The following DOCK4 variants were observed in gnomAD, a reference collection of about 807,000 sequenced individuals.
DOCK4 encodes the protein dedicator of cytokinesis 4, also known as dedicator of cytokinesis protein 4.
A neutral mutation model predicts 268.1 loss-of-function variants in DOCK4; 97 were observed. The observed-to-expected ratio is 0.36, with a 90% CI of 0.31 to 0.43. The LOEUF is 0.43. Ranked by LOEUF, DOCK4 falls within the 20% of genes least tolerant of loss-of-function variation. The pLI is 1.00. For synonymous variants in DOCK4, 954 were observed against 887.2 expected (o/e 1.08, Z -1.34); for missense variants, 2,145 against 2,455.7 (o/e 0.87, Z 2.67).
intron 1 of DOCK4, among the ~76,000 whole-genome samples, chr7:112,103,163 A>C (rs1212645651): frequency 6.6e-6 from 1 of 152,236 alleles, no homozygotes; most frequent in East Asian, 1.9e-4. Flanking sequence ...TCTTAAACTT[A>C]TGAATCACTG....
Position 111,910,991 on chromosome 7 carries a change from G to C in DOCK4, c.1192+4788C>G, listed in dbSNP as rs144233425. On this transcript the variant is annotated intron_variant, in intron 13 of 52. Transcript: ENST00000428084. ...CTACGTTTTTCCCATTTCAAAAAGA[G>C]TCTGGCATTGATTACATTCTGTGAT... Among the ~76,000 whole-genome samples, 9 of 152,320 alleles carry C rather than the reference G, an allele frequency of 5.9e-5. No homozygotes were observed. The East Asian group carries it at 1.5e-3, about 26-fold the overall frequency.
In DOCK4 at chr7:111,986,871, C is replaced by T. The variant is rs148534449; in HGVS notation, c.464+2144G>A. ...TACTCTTCAACAGTTTGATATACAA[C>T]GTGAGATGGAACACATTCTTAATTT... is the stretch of plus-strand genomic sequence containing the variant. On this transcript the variant is annotated intron_variant, in intron 6 of 52. Transcript: ENST00000428084. Among the ~76,000 whole-genome samples, 277 of 152,272 alleles carry T rather than the reference C, an allele frequency of 1.8e-3. 1 individual carries two copies. Among genetic ancestry groups the T allele is most frequent in the Non-Finnish European group, 3.0e-3 (206 of 68,016 alleles).
At chr7:112,135,858 T>G (rs75515837) in intron 1 of DOCK4, among the ~76,000 whole-genome samples, 2,299 of 152,296 alleles carry the variant, frequency 0.015, 53 homozygotes, top group African/African-American at 0.052. Context: ...GTGGAATATC[T>G]GAAAGGCCAA....
chr7:111,886,890 C>G (rs1373310953), intron 16 of DOCK4, among the ~76,000 whole-genome samples: 1 of 152,120 alleles, frequency 6.6e-6, no homozygotes, highest in South Asian at 2.1e-4. Flanking sequence ...TGGGAATTTC[C>G]TGTACTATTT....
At chr7:111,748,980 A>G (rs1796458864) in intron 42 of DOCK4, among the ~76,000 whole-genome samples, 1 of 152,160 alleles carries the variant, frequency 6.6e-6, no homozygotes, top group Non-Finnish European at 1.5e-5. Context: ...CACAAGTAGT[A>G]TGTTATATAA....
chr7:111,760,331 G>A lies in DOCK4; in HGVS notation c.4021-9C>T, dbSNP rs1393966159. 4 of 1,607,320 alleles carry A rather than the reference G, an allele frequency of 2.5e-6. No homozygotes were observed. The highest frequency in any genetic ancestry group is 3.4e-5 in the Admixed American group (2 of 58,704). Reference sequence around the variant, plus strand: ...CACACAAACTCCTTATTCTGGAGATGAAAGCAAAAAAGAAATTAGGGCTAT... The same window carrying A: ...CACACAAACTCCTTATTCTGGAGATAAAAGCAAAAAAGAAATTAGGGCTAT... On this transcript the variant is annotated splice_polypyrimidine_tract_variant and intron_variant, in intron 39 of 52. Transcript: ENST00000428084.
At chr7:111,755,956 T>C (rs1796990456) in intron 41 of DOCK4, among the ~76,000 whole-genome samples, 1 of 152,152 alleles carries the variant, frequency 6.6e-6, no homozygotes, top group Admixed American at 6.5e-5. Context: ...TCCAGAAGGG[T>C]CAGCCAGTCA....
intron 8 of DOCK4, among the ~76,000 whole-genome samples, chr7:111,959,515 T>C (rs1796699462): frequency 6.6e-6 from 1 of 152,216 alleles, no homozygotes; most frequent in Non-Finnish European, 1.5e-5. Flanking sequence ...AGACGAGAAA[T>C]ACTAGCACAG....
At chr7:111,916,984 T>G (rs1792649993) in intron 12 of DOCK4, among the ~76,000 whole-genome samples, 1 of 88,800 alleles carries the variant, frequency 1.1e-5, no homozygotes, top group African/African-American at 4.0e-5. Flanking sequence ...CCCCATGTTT[T>G]TTTTTTTTTT....
In DOCK4 at chr7:112,183,228, G is replaced by A. The variant is rs150778206; in HGVS notation, c.37+22874C>T. 5.2e-3 allele frequency among the ~76,000 whole-genome samples: 796 copies of A among 152,328 alleles called. 8 individuals carry two copies. The highest frequency in any genetic ancestry group is 0.018 in the African/African-American group (754 of 41,566). On this transcript the variant is annotated intron_variant, in intron 1 of 52. Transcript: ENST00000428084. Reference sequence around the variant, plus strand: ...AAAAGGGAAGGAGAGAAAGGGCAGAGAAAGGCCATAACTACCTCTTAATGG... The same window carrying A: ...AAAAGGGAAGGAGAGAAAGGGCAGAAAAAGGCCATAACTACCTCTTAATGG...
chr7:111,872,803 A>G (rs28409329), intron 17 of DOCK4, among the ~76,000 whole-genome samples: 38,244 of 152,080 alleles, frequency 0.25, 5,554 homozygotes, highest in African/African-American at 0.4. Flanking sequence ...TAGTCCTCAG[A>G]TCGGATGTTG....
At chr7:112,032,357 C>T (rs750438702) in intron 1 of DOCK4, among the ~76,000 whole-genome samples, 2 of 151,988 alleles carry the variant, frequency 1.3e-5, no homozygotes, top group African/African-American at 2.4e-5. Flanking sequence ...ATTGGCAATC[C>T]GAAGTGCATG....
chr7:112,090,411 G>A (rs1252889234), intron 1 of DOCK4, among the ~76,000 whole-genome samples: 1 of 152,134 alleles, frequency 6.6e-6, no homozygotes, highest in Admixed American at 6.5e-5. Context: ...AAAACTATAT[G>A]AAAGCTAAAC....
At chr7:112,144,164 C>T (rs1815206656) in intron 1 of DOCK4, among the ~76,000 whole-genome samples, 1 of 152,152 alleles carries the variant, frequency 6.6e-6, no homozygotes. Context: ...TTTCACCTTC[C>T]TCTAGTGACA....
intron 1 of DOCK4, among the ~76,000 whole-genome samples, chr7:112,187,117 C>T (rs1819547430): frequency 1.3e-5 from 2 of 152,136 alleles, no homozygotes; most frequent in African/African-American, 2.4e-5. Flanking sequence ...GAAATGCAAT[C>T]GCCCAAATAA....
At chr7:112,173,537 T>C (rs1347475989) in intron 1 of DOCK4, among the ~76,000 whole-genome samples, 2 of 152,122 alleles carry the variant, frequency 1.3e-5, no homozygotes, top group Non-Finnish European at 2.9e-5. Context: ...GCTGCTCTTT[T>C]ATGGGCGGTC....
At position 111,935,504 on chromosome 7, in the gene DOCK4, A is replaced by G. The variant is rs772154008; in HGVS notation, c.1066+36T>C. The stretch of plus-strand genomic sequence containing the variant: ...AAACAAAAAAAAGGGCTTGGAACGA[A>G]AAGTGTAGGGAAAGTCAGCCAGCCC... On this transcript the variant is annotated intron_variant, in intron 12 of 52. Coordinates refer to ENST00000428084, the MANE Select transcript of DOCK4 (RefSeq NM_001363540.2). 3 of 1,592,892 alleles carry G rather than the reference A, an allele frequency of 1.9e-6. No homozygotes were observed. The African/African-American group carries it at 4.0e-5, about 21-fold the overall frequency.
At chr7:112,150,621 A>G (rs1312590648) in intron 1 of DOCK4, among the ~76,000 whole-genome samples, 1 of 152,124 alleles carries the variant, frequency 6.6e-6, no homozygotes, top group East Asian at 1.9e-4. Flanking sequence ...ATCTTCCCCG[A>G]GGTGGCTTCA....
In DOCK4 at chr7:111,880,120, C is replaced by T. The variant is rs534549747; in HGVS notation, c.1588-2934G>A. Among the ~76,000 whole-genome samples the T allele has an allele frequency of 2.6e-5, 4 of 152,200 alleles. No individual in the cohort carries two copies. In the East Asian group the frequency reaches 7.7e-4, roughly 29 times the overall value. On this transcript the variant is annotated intron_variant, in intron 16 of 52. Coordinates refer to ENST00000428084, the MANE Select transcript of DOCK4 (RefSeq NM_001363540.2). ...AGCAGATTTAACCCAAAGAAGACTA[C>T]CTCAAAGCATTTAATAATCAAACTC...
Sources: gnomAD v4.1 joint callset for allele counts (sites outside exome capture counted in the v4.1 genomes callset) on GRCh38, gnomAD v4.1.1 for gene constraint, MANE v1.5 for transcripts, NCBI Gene and HGNC (gene_info 2026-07-23, HGNC 2026-07-21) for gene names.